SHANK2: variants seen among roughly 807,000 people sequenced by gnomAD.
The protein encoded by SHANK2 is SH3 and multiple ankyrin repeat domains 2.
A neutral mutation model predicts 133.7 loss-of-function variants in SHANK2; 43 were observed. That is an observed-to-expected ratio of 0.32 (90% CI 0.25 to 0.41). The LOEUF is 0.41. Among genes scored for constraint, SHANK2 ranks in the 10% least tolerant of loss-of-function variants. The pLI, the probability that SHANK2 is intolerant of heterozygous loss-of-function variation, is 1.00. For synonymous variants in SHANK2, 1,017 were observed against 952.8 expected (o/e 1.07, Z -1.24); for missense variants, 1,994 against 2,235.8 (o/e 0.89, Z 2.18).
At chr11:70,612,815 T>C (rs78384130) in intron 17 of SHANK2, among the ~76,000 whole-genome samples, 3,074 of 152,330 alleles carry the variant, frequency 0.02, 42 homozygotes, top group Non-Finnish European at 0.029. Flanking sequence ...TTTGGAACTT[T>C]CCATACGCAA....
rs1259452482 is a variant in SHANK2, at chr11:70,599,931, GAA to G, written c.2061+59895_2061+59896del. Reference sequence around the variant, plus strand: ...AGAAAGAAAGAAAGAAAGAAAGAAAGAAAGAAAGAAAGAAAGAAAGAAAGAAA... The same window carrying G: ...AGAAAGAAAGAAAGAAAGAAAGAAAGAGAAAGAAAGAAAGAAAGAAAGAAA... On this transcript the variant is annotated intron_variant, in intron 17 of 25. Transcript: ENST00000601538. Among the ~76,000 whole-genome samples the G allele has an allele frequency of 1.2e-4, 15 of 120,396 alleles. 1 individual carries two copies. The highest frequency in any genetic ancestry group is 3.8e-4 in the African/African-American group (9 of 23,496). The allele number at this position is 120,396 out of a possible 152,430, so 79.0% of individuals were successfully genotyped here.
intron 11 of SHANK2, among the ~76,000 whole-genome samples, chr11:70,823,802 G>A (rs548708525): frequency 3.3e-5 from 5 of 150,882 alleles, no homozygotes; most frequent in African/African-American, 4.9e-5. Flanking sequence ...GGGGGGCAGA[G>A]GTGGCGGTGG....
chr11:71,191,834 G>A (rs1953799612), intron 2 of SHANK2, among the ~76,000 whole-genome samples: 1 of 151,366 alleles, frequency 6.6e-6, no homozygotes, highest in South Asian at 2.1e-4. Flanking sequence ...GATTACAGGT[G>A]TGAGCCACTG....
chr11:70,656,755 T>C (rs114468985), intron 17 of SHANK2, among the ~76,000 whole-genome samples: 2,168 of 152,324 alleles, frequency 0.014, 34 homozygotes, highest in African/African-American at 0.034. Context: ...AACATCTATC[T>C]GTCTCATGAG....
intron 2 of SHANK2, among the ~76,000 whole-genome samples, chr11:71,176,535 C>T (rs1953449481): frequency 6.6e-6 from 1 of 152,020 alleles, no homozygotes; most frequent in Non-Finnish European, 1.5e-5. Flanking sequence ...AATTAAACTT[C>T]CAAAGATAAA....
At chr11:70,767,927 C>T (rs1555041776) in intron 14 of SHANK2, among the ~76,000 whole-genome samples, 1 of 152,214 alleles carries the variant, frequency 6.6e-6, no homozygotes, top group Non-Finnish European at 1.5e-5. Context: ...CTGCTTCTTG[C>T]ACTCAGATTA....
intron 2 of SHANK2, among the ~76,000 whole-genome samples, chr11:71,189,702 C>G (rs1295752136): frequency 1.3e-5 from 2 of 152,256 alleles, no homozygotes; most frequent in Non-Finnish European, 2.9e-5. Context: ...ATGGTCCCAA[C>G]TTTACCATGA....
chr11:70,471,737 G>A lies in SHANK2; in HGVS notation c.*1132C>T. The A allele has an allele frequency of 1.3e-5, 3 of 223,784 alleles. No individual in the cohort carries two copies. Among genetic ancestry groups the A allele is most frequent in the Non-Finnish European group, 8.7e-6 (1 of 115,462 alleles). 13.9% of individuals were successfully genotyped at this position (223,784 alleles called of 1,614,324 possible). A position where few individuals can be genotyped will look rare whatever the true frequency, so the allele number is the denominator to read the frequency against. On this transcript the variant is annotated 3_prime_UTR_variant, in exon 26 of 26. Coordinates refer to ENST00000601538, the MANE Select transcript of SHANK2 (RefSeq NM_012309.5). This position sits in a 1 kb window ranked among gnomAD's most constrained non-coding sequence, Gnocchi z 4.1. ...CTAAGTACCATCTTCCCTGGCCTCC[G>A]AGAGCAAAAGGACTGTCTCAGCAGA...
chr11:70,941,611 C>T (rs113978053), intron 10 of SHANK2, among the ~76,000 whole-genome samples: 271 of 152,036 alleles, frequency 1.8e-3, no homozygotes, highest in African/African-American at 5.9e-3. Flanking sequence ...TGGGGCCCCA[C>T]GATAGGATTC....
intron 9 of SHANK2, among the ~76,000 whole-genome samples, chr11:71,065,876 A>G (rs1951048583): frequency 5.4e-5 from 2 of 36,746 alleles, no homozygotes; most frequent in African/African-American, 1.1e-4. Flanking sequence ...TGAGTGGGGA[A>G]GTTGGGGGGG....
chr11:71,246,269 G>C (rs1333178693), intron 1 of SHANK2, among the ~76,000 whole-genome samples: 1 of 152,094 alleles, frequency 6.6e-6, no homozygotes, highest in Non-Finnish European at 1.5e-5. Context: ...CCAGGGAGCA[G>C]ACTGCCAGCT....
chr11:70,885,385 G>A (rs4980558), intron 11 of SHANK2, among the ~76,000 whole-genome samples: 105,234 of 152,134 alleles, frequency 0.69, 42,362 homozygotes, highest in Non-Finnish European at 0.88. Context: ...AAGACGGAAG[G>A]AGTCGATCTC....
At chr11:70,910,626 G>A (rs1950177246) in intron 10 of SHANK2, among the ~76,000 whole-genome samples, 1 of 152,126 alleles carries the variant, frequency 6.6e-6, no homozygotes. Flanking sequence ...TGGCCAAAGT[G>A]GCAAAATCCT....
At chr11:70,775,095 G>C (rs1947333071) in intron 14 of SHANK2, among the ~76,000 whole-genome samples, 1 of 152,140 alleles carries the variant, frequency 6.6e-6, no homozygotes, top group Admixed American at 6.5e-5. Flanking sequence ...GGAGTTTAAG[G>C]CTGCAGTGAG....
At chr11:70,595,653 C>T (rs555948491) in intron 17 of SHANK2, among the ~76,000 whole-genome samples, 4 of 152,210 alleles carry the variant, frequency 2.6e-5, no homozygotes, top group Non-Finnish European at 5.9e-5. Context: ...GGCATCTGCC[C>T]AAAATTCGTG....
Position 70,485,712 on chromosome 11 carries a change from C to T in SHANK2, c.4581G>A (p.Val1527=). ...STLSSEGGEN[V]DTCTVYADGQ... ...CATCTGCATAGACTGTGCAGGTGTC[C>T]ACATTCTCTCCACCTTCGGAAGACA... Residue 1527 remains valine, a synonymous_variant, in exon 25 of 26, where the codon GTG becomes GTA. Transcript: ENST00000601538. This position sits in a 1 kb window ranked among gnomAD's most constrained non-coding sequence, Gnocchi z 5.8. 1 of 1,614,058 alleles carries T rather than the reference C, an allele frequency of 6.2e-7. No individual in the cohort carries two copies. The highest frequency in any genetic ancestry group is 1.1e-5 in the South Asian group (1 of 91,078).
rs562212652 is a variant in SHANK2, at chr11:70,802,784, AC to A, written c.1663+4217del. ...AAACGCTGGCGCCCCCTGTGCCCCC[AC>A]CCCCCAGCATTGGCAATGCTATGTC... On this transcript the variant is annotated intron_variant, in intron 13 of 25. Transcript: ENST00000601538. Among the ~76,000 whole-genome samples, 8 of 151,516 alleles carry A rather than the reference AC, an allele frequency of 5.3e-5. No homozygotes were observed. The East Asian group carries it at 1.4e-3, about 26-fold the overall frequency.
In SHANK2 at chr11:70,737,951, G is replaced by A. The variant is rs367861368; in HGVS notation, c.1778-39188C>T. Among the ~76,000 whole-genome samples, 48 of 152,350 alleles carry A rather than the reference G, an allele frequency of 3.2e-4. No individual in the cohort carries two copies. The East Asian group carries it at 6.2e-3, about 20-fold the overall frequency. ...GTGTGAAGGTGCCCTACGGTGAGCC[G>A]CGGAGACGTGGGCATCACACCAGAA... is the stretch of plus-strand genomic sequence containing the variant. On this transcript the variant is annotated intron_variant, in intron 14 of 25. Transcript: ENST00000601538.
chr11:71,131,731 T>C (rs782501592), intron 3 of SHANK2, among the ~76,000 whole-genome samples: 1 of 152,226 alleles, frequency 6.6e-6, no homozygotes, highest in Non-Finnish European at 1.5e-5. Context: ...AAGCAATAAA[T>C]TGAAGTGAAG....
Sources: gnomAD v4.1 joint callset for allele counts (sites outside exome capture counted in the v4.1 genomes callset) on GRCh38, gnomAD v4.1.1 for gene constraint, Gnocchi (gnomAD v3.1) non-coding constraint, MANE v1.5 for transcripts, NCBI Gene and HGNC (gene_info 2026-07-23, HGNC 2026-07-21) for gene names.